Variants in CHRM3 observed in about 807,000 individuals in gnomAD.
CHRM3 encodes muscarinic acetylcholine receptor M3.
A neutral mutation model predicts 41.8 loss-of-function variants in CHRM3; 11 were observed. That is an observed-to-expected ratio of 0.26 (90% CI 0.17 to 0.44). CHRM3 has a LOEUF of 0.44. CHRM3 is among the 20% of genes least tolerant of loss of function. The pLI is 1.00. For synonymous variants in CHRM3, 297 were observed against 301.4 expected (o/e 0.99, Z 0.15); for missense variants, 571 against 745.4 (o/e 0.77, Z 2.72).
At chr1:239,575,553 T>A (rs758893153) in intron 3 of CHRM3, among the ~76,000 whole-genome samples, 60 of 152,236 alleles carry the variant, frequency 3.9e-4, no homozygotes, top group Non-Finnish European at 5.3e-4. Context: ...TTGAGCCAGT[T>A]TTTTTGGGTT....
In CHRM3 at chr1:239,902,182, C is replaced by A. The variant is rs112395313; in HGVS notation, c.-19-5251C>A. 4.0e-3 allele frequency among the ~76,000 whole-genome samples: 602 copies of A among 152,204 alleles called. 8 individuals carry two copies. The highest frequency in any genetic ancestry group is 0.013 in the African/African-American group (545 of 41,522). ...CTGTGTTTCTAAAGTAACAACACAA[C>A]CCTGAGAACACAAAAAGTTAGCATT... On this transcript the variant is annotated intron_variant, in intron 6 of 6. Transcript: ENST00000676153.
chr1:239,652,818 A>C (rs1250093199), intron 4 of CHRM3, among the ~76,000 whole-genome samples: 1 of 81,832 alleles, frequency 1.2e-5, no homozygotes, highest in Non-Finnish European at 2.7e-5. Context: ...CCTATCTCAT[A>C]AAGTCGTGAA....
intron 2 of CHRM3, among the ~76,000 whole-genome samples, chr1:239,508,215 A>T (rs923918742): frequency 6.6e-5 from 10 of 152,210 alleles, no homozygotes; most frequent in African/African-American, 1.9e-4. Context: ...TTTTCCATTT[A>T]AGAATAGTTA....
chr1:239,455,638 G>A (rs1664877028), intron 1 of CHRM3, among the ~76,000 whole-genome samples: 1 of 152,088 alleles, frequency 6.6e-6, no homozygotes, highest in African/African-American at 2.4e-5. Context: ...TAGTATAAGG[G>A]TATAAAGAAA....
At chr1:239,407,046 T>A (rs1359434290) in intron 1 of CHRM3, among the ~76,000 whole-genome samples, 1 of 152,186 alleles carries the variant, frequency 6.6e-6, no homozygotes, top group Non-Finnish European at 1.5e-5. Flanking sequence ...AAAACTAACC[T>A]TACAAGTGAA....
At chr1:239,484,192 C>T (rs546154794) in intron 1 of CHRM3, among the ~76,000 whole-genome samples, 3 of 152,260 alleles carry the variant, frequency 2.0e-5, no homozygotes, top group African/African-American at 7.2e-5. Context: ...AAGCATGGCA[C>T]CACCATCTGC....
chr1:239,619,573 A>G (rs1293288635), intron 3 of CHRM3, among the ~76,000 whole-genome samples: 1 of 152,162 alleles, frequency 6.6e-6, no homozygotes, highest in African/African-American at 2.4e-5. Context: ...CCAATTATGG[A>G]GAGATATTGG....
chr1:239,427,372 T>TTTACAAC (rs1387901797), intron 1 of CHRM3, among the ~76,000 whole-genome samples: 3 of 152,032 alleles, frequency 2.0e-5, no homozygotes, highest in African/African-American at 7.2e-5. Context: ...GGAAGGAGCA[T>TTTACAAC]TTACAACGTA....
chr1:239,476,263 C>T (rs554923982), intron 1 of CHRM3, among the ~76,000 whole-genome samples: 5 of 152,032 alleles, frequency 3.3e-5, no homozygotes, highest in East Asian at 3.9e-4. Context: ...TTCAGGAGTT[C>T]GAAACCAGTC....
Position 239,909,327 on chromosome 1 carries a change from G to C in CHRM3, c.*103G>C. ...GTGACTTCTGGTGATGATAAAAATGGTTTTATCACCCAGATGTGAAAGAAG... is the reference window on the plus strand; with the variant it reads ...GTGACTTCTGGTGATGATAAAAATGCTTTTATCACCCAGATGTGAAAGAAG... On this transcript the variant is annotated 3_prime_UTR_variant, in exon 7 of 7. Coordinates refer to ENST00000676153, the MANE Select transcript of CHRM3 (RefSeq NM_001375978.1). 8.3e-7 allele frequency: 1 copy of C among 1,197,664 alleles called. No homozygotes were observed. Among genetic ancestry groups the C allele is most frequent in the Admixed American group, 2.7e-5 (1 of 37,358 alleles). The allele number at this position is 1,197,664 out of a possible 1,614,324, so 74.2% of individuals were successfully genotyped here. A position where few individuals can be genotyped will look rare whatever the true frequency, so the allele number is the denominator to read the frequency against.
intron 4 of CHRM3, among the ~76,000 whole-genome samples, chr1:239,663,793 C>T (rs1384273400): frequency 6.6e-6 from 1 of 152,120 alleles, no homozygotes; most frequent in Non-Finnish European, 1.5e-5. Context: ...TATTCCTGGG[C>T]CTTACCTCAG....
chr1:239,769,045 A>G (rs1456583841), intron 5 of CHRM3, among the ~76,000 whole-genome samples: 1 of 151,992 alleles, frequency 6.6e-6, no homozygotes, highest in Non-Finnish European at 1.5e-5. Flanking sequence ...GTTTATAGGC[A>G]TGAGCCACTG....
chr1:239,398,176 A>G (rs1437660200), intron 1 of CHRM3, among the ~76,000 whole-genome samples: 2 of 152,186 alleles, frequency 1.3e-5, no homozygotes, highest in South Asian at 2.1e-4. Context: ...ACAATAAAAG[A>G]TTACAACTTT....
chr1:239,682,652 C>T (rs910764978), intron 5 of CHRM3, among the ~76,000 whole-genome samples: 6 of 151,440 alleles, frequency 4.0e-5, no homozygotes, highest in East Asian at 1.9e-4. Context: ...AAAAAACTGA[C>T]GTAAAATATA....
chr1:239,543,194 G>A (rs1387269600), intron 2 of CHRM3, among the ~76,000 whole-genome samples: 2 of 152,208 alleles, frequency 1.3e-5, no homozygotes, highest in African/African-American at 4.8e-5. Context: ...GCACATTGCA[G>A]AATGACACTA....
intron 2 of CHRM3, among the ~76,000 whole-genome samples, chr1:239,525,981 A>G (rs1669968988): frequency 6.6e-6 from 1 of 152,198 alleles, no homozygotes; most frequent in Non-Finnish European, 1.5e-5. Context: ...AAGCTTCTCA[A>G]ATGCTTCTAT....
intron 2 of CHRM3, among the ~76,000 whole-genome samples, chr1:239,535,468 TCTA>T (rs932455763): frequency 1.4e-4 from 21 of 148,552 alleles, no homozygotes; most frequent in African/African-American, 5.2e-4. Context: ...TTATTTCCTA[TCTA>T]GTATGTTTTC....
intron 5 of CHRM3, among the ~76,000 whole-genome samples, chr1:239,779,608 G>C (rs550590440): frequency 6.6e-6 from 1 of 152,298 alleles, no homozygotes; most frequent in African/African-American, 2.4e-5. Context: ...GGTGGCACAA[G>C]CCTGTCATCC....
chr1:239,741,409 G>A (rs1003837920), intron 5 of CHRM3, among the ~76,000 whole-genome samples: 1 of 152,126 alleles, frequency 6.6e-6, no homozygotes, highest in African/African-American at 2.4e-5. Flanking sequence ...TTTCTCACAT[G>A]AGGGTCTTAT....
Sources: gnomAD v4.1 joint callset for allele counts (sites outside exome capture counted in the v4.1 genomes callset) on GRCh38, gnomAD v4.1.1 for gene constraint, MANE v1.5 for transcripts, NCBI Gene and HGNC (gene_info 2026-07-23, HGNC 2026-07-21) for gene names.